The following WASHC2C variants were observed in gnomAD, a reference collection of about 807,000 sequenced individuals.
WASHC2C encodes WASH complex subunit 2C.
In WASHC2C, 73 loss-of-function variants were observed where a neutral mutation model predicts 142.2. The ratio of observed to expected loss-of-function variants is 0.51; its 90% CI spans 0.43 to 0.62. The LOEUF (loss-of-function observed/expected upper bound fraction) is 0.62, where lower values mean the gene tolerates loss of function less well. Among genes scored for constraint, WASHC2C ranks in the 20% least tolerant of loss-of-function variants. WASHC2C has a pLI of 0.00. For missense variants in WASHC2C, 969 were observed against 1,531.7 expected (o/e 0.63, Z 6.13); for synonymous variants, 337 against 565.5 (o/e 0.60, Z 5.73).
At chr10:45,736,283 G>A (rs1346502805) in intron 3 of WASHC2C, among the ~76,000 whole-genome samples, 12 of 151,578 alleles carry the variant, frequency 7.9e-5, no homozygotes, top group Non-Finnish European at 1.2e-4. Context: ...GCAGGCACCT[G>A]TAGTCCCAGC....
intron 3 of WASHC2C, among the ~76,000 whole-genome samples, chr10:45,733,147 C>G (rs797038625): frequency 0.039 from 4,755 of 123,452 alleles, no homozygotes; most frequent in Middle Eastern, 0.065. Context: ...GCACTAGGCA[C>G]ACCCCCTGGA....
chr10:45,753,825 GT>G (rs531628513), intron 13 of WASHC2C, among the ~76,000 whole-genome samples: 6,725 of 137,472 alleles, frequency 0.049, 282 homozygotes, highest in African/African-American at 0.12. Context: ...ATATAAATAT[GT>G]TTTTTTTTTT....
At chr10:45,758,639 G>T in intron 16 of WASHC2C, among the ~76,000 whole-genome samples, 2 of 136,936 alleles carry the variant, frequency 1.5e-5, no homozygotes, top group Admixed American at 7.9e-5. Context: ...ACAGGGTCTT[G>T]CTCTGTTGCC....
chr10:45,768,270 A>G lies in WASHC2C; in HGVS notation c.1870-1179A>G, dbSNP rs2610509. ...AAAAAAAAAAAGAAAGAGAAGACCT[A>G]ACGAGTGCTGACAGTGGATCCCAGC... On this transcript the variant is annotated intron_variant, in intron 19 of 30. Transcript: ENST00000623400. Among the ~76,000 whole-genome samples the G allele has an allele frequency of 7.6e-3, 1,157 of 151,326 alleles. 18 individuals are homozygous for G. Among genetic ancestry groups the G allele is most frequent in the African/African-American group, 0.026 (1,064 of 41,310 alleles).
At chr10:45,743,995 C>G (rs1337868529) in intron 6 of WASHC2C, among the ~76,000 whole-genome samples, 1 of 151,424 alleles carries the variant, frequency 6.6e-6, no homozygotes, top group Non-Finnish European at 1.5e-5. Flanking sequence ...GATCTGCCCG[C>G]CTCGGCCTCC....
Position 45,762,269 on chromosome 10 carries a change from A to G in WASHC2C, c.1636-1119A>G, listed in dbSNP as rs567571185. ...CTCTTTTTGCCTAGGCTGGAGTGCA[A>G]TGGTGGGATCTTGGCTCACTGCAAC... On this transcript the variant is annotated intron_variant, in intron 17 of 30. Transcript: ENST00000623400. Among the ~76,000 whole-genome samples the G allele has an allele frequency of 1.7e-3, 254 of 152,188 alleles. 1 individual carries two copies. Among genetic ancestry groups the G allele is most frequent in the Middle Eastern group, 6.8e-3 (2 of 294 alleles).
At chr10:45,753,931 C>T (rs1295735244) in intron 13 of WASHC2C, among the ~76,000 whole-genome samples, 5 of 150,828 alleles carry the variant, frequency 3.3e-5, no homozygotes, top group Non-Finnish European at 4.4e-5. Flanking sequence ...GTCTCCCGGG[C>T]GCAGGCATCA....
Position 45,755,120 on chromosome 10 carries a change from G to A in WASHC2C, c.1420+5G>A. The A allele has an allele frequency of 6.2e-7, 1 of 1,602,356 alleles. No homozygotes were observed. The highest frequency in any genetic ancestry group is 8.5e-7 in the Non-Finnish European group (1 of 1,175,016). On this transcript the variant is annotated splice_donor_5th_base_variant and intron_variant, in intron 15 of 30. Transcript: ENST00000623400. Reference sequence around the variant, plus strand: ...ACAGCAAACCTTCTAAAACACGTATGTGTTCCTGCCTCCGTTTCTAGGACT... The same window carrying A: ...ACAGCAAACCTTCTAAAACACGTATATGTTCCTGCCTCCGTTTCTAGGACT...
chr10:45,740,099 A>C lies in WASHC2C; in HGVS notation c.381A>C (p.Val127=). 1 of 576,364 alleles carries C rather than the reference A, an allele frequency of 1.7e-6. No individual in the cohort carries two copies. The highest frequency in any genetic ancestry group is 2.1e-5 in the South Asian group (1 of 48,050). 35.7% of individuals were successfully genotyped at this position (576,364 alleles called of 1,614,324 possible). A position where few individuals can be genotyped will look rare whatever the true frequency, so the allele number is the denominator to read the frequency against. ...AGAAGACACGAGAGCAGAAAGAAGTAGATCTCATTCCTAAAGTCCAGGAGG... is the reference window on the plus strand; with the variant it reads ...AGAAGACACGAGAGCAGAAAGAAGTCGATCTCATTCCTAAAGTCCAGGAGG... ...EQEKTREQKE[V]DLIPKVQEAV... Residue 127 remains valine, a synonymous_variant, in exon 5 of 31, where the codon GTA becomes GTC. Coordinates refer to ENST00000623400, the MANE Select transcript of WASHC2C (RefSeq NM_001330074.2).
intron 23 of WASHC2C, among the ~76,000 whole-genome samples, chr10:45,780,066 C>T (rs2057380312): frequency 6.6e-6 from 1 of 151,610 alleles, no homozygotes; most frequent in Non-Finnish European, 1.5e-5. Flanking sequence ...GCGACATCAC[C>T]AGAAAGCTAG....
rs1251330083 is a variant in WASHC2C at position 45,762,007 on chromosome 10, T to G, written c.1636-1381T>G. ...TTAGGAGTAGACAGCGACCCCATAA[T>G]TAAAAAAAAAAAAAAACTGTCCAAA... On this transcript the variant is annotated intron_variant, in intron 17 of 30. Transcript: ENST00000623400. 2.0e-5 allele frequency among the ~76,000 whole-genome samples: 3 copies of G among 148,170 alleles called. No homozygotes were observed. In the East Asian group the frequency reaches 5.8e-4, roughly 29 times the overall value.
At position 45,727,340 on chromosome 10, in the gene WASHC2C, G is replaced by T. The variant is rs1473301923; in HGVS notation, c.3+20G>T. The T allele has an allele frequency of 1.3e-6, 2 of 1,591,956 alleles. No individual in the cohort carries two copies. Among genetic ancestry groups the T allele is most frequent in the African/African-American group, 2.7e-5 (2 of 74,498 alleles). On this transcript the variant is annotated intron_variant, in intron 1 of 30. Transcript: ENST00000623400. Reference sequence around the variant, plus strand: ...GGGATGGTGAGGGCGGCGGGCCGGAGAGGGGCCGGCCTGGGCTGGGGCCGC... The same window carrying T: ...GGGATGGTGAGGGCGGCGGGCCGGATAGGGGCCGGCCTGGGCTGGGGCCGC...
chr10:45,742,877 CT>C (rs1227719013), intron 5 of WASHC2C, among the ~76,000 whole-genome samples: 98 of 96,030 alleles, frequency 1.0e-3, no homozygotes, highest in Admixed American at 1.3e-3. Context: ...CATCTTTTTT[CT>C]TTTTTTTTTT....
intron 23 of WASHC2C, among the ~76,000 whole-genome samples, chr10:45,784,262 A>AG (rs1554888882): frequency 1.4e-3 from 7 of 4,840 alleles, no homozygotes; most frequent in African/African-American, 2.9e-3. Flanking sequence ...GTATATATAT[A>AG]TATATATATA....
rs2058458576 is a variant in WASHC2C, at chr10:45,792,920, C to T, written c.*520C>T. On this transcript the variant is annotated 3_prime_UTR_variant, in exon 31 of 31. Coordinates refer to ENST00000623400, the MANE Select transcript of WASHC2C (RefSeq NM_001330074.2). ...AAAGTTTGGCAAACTGTGGCCCCCC[C>T]ACTGTCATATTTTGTTAATAAAATT... 2 of 469,398 alleles carry T rather than the reference C, an allele frequency of 4.3e-6. No individual in the cohort carries two copies. The highest frequency in any genetic ancestry group is 8.8e-6 in the Non-Finnish European group (2 of 227,174). The allele number at this position is 469,398 out of a possible 1,614,324, so 29.1% of individuals were successfully genotyped here. A position where few individuals can be genotyped will look rare whatever the true frequency, so the allele number is the denominator to read the frequency against.
chr10:45,752,237 A>C (rs2134659413), intron 11 of WASHC2C, among the ~76,000 whole-genome samples: 1 of 152,388 alleles, frequency 6.6e-6, no homozygotes, highest in African/African-American at 2.4e-5. Flanking sequence ...CCCTTTGTTT[A>C]TTCTGCCCTT....
intron 21 of WASHC2C, among the ~76,000 whole-genome samples, chr10:45,776,952 AAG>A (rs1291596402): frequency 1.3e-5 from 2 of 149,686 alleles, no homozygotes; most frequent in African/African-American, 5.0e-5. Context: ...GTTGAAATAT[AAG>A]AGGAGTGAGG....
At chr10:45,727,355 G>A (rs767122610) in intron 1 of WASHC2C, 35 bp downstream of exon 1, 66 of 1,600,622 alleles carry the variant, frequency 4.1e-5, no homozygotes, top group Non-Finnish European at 5.5e-5. Context: ...GCCGGCCTGG[G>A]CTGGGGCCGC....
chr10:45,744,042 C>T (rs1202049944), intron 6 of WASHC2C, among the ~76,000 whole-genome samples: 7 of 151,528 alleles, frequency 4.6e-5, no homozygotes, highest in African/African-American at 9.7e-5. Flanking sequence ...CCACCGTGCC[C>T]GGCTCTTTTT....
Sources: gnomAD v4.1 joint callset for allele counts (sites outside exome capture counted in the v4.1 genomes callset) on GRCh38, gnomAD v4.1.1 for gene constraint, MANE v1.5 for transcripts, NCBI Gene and HGNC (gene_info 2026-07-23, HGNC 2026-07-21) for gene names.